FIG4: variants seen among roughly 807,000 people sequenced by gnomAD.
The protein encoded by FIG4 is FIG4 phosphoinositide 5-phosphatase.
A neutral mutation model predicts 118.6 loss-of-function variants in FIG4; 112 were observed. The ratio of observed to expected loss-of-function variants is 0.94; its 90% CI spans 0.81 to 1.11. The LOEUF is 1.11. Ranked by LOEUF, FIG4 falls within the 50% of genes least tolerant of loss-of-function variation. The probability of loss-of-function intolerance (pLI) is 0.00; values close to 1 mark genes in which losing one functional copy is unlikely to be tolerated. For missense variants in FIG4, 969 were observed against 1,111.7 expected (o/e 0.87, Z 1.83); for synonymous variants, 369 against 381.2 (o/e 0.97, Z 0.37).
chr6:109,825,048 T>G, intron 22 of FIG4, 40 bp from the exon 23 acceptor site: 1 of 1,589,140 alleles, frequency 6.3e-7, no homozygotes, highest in Non-Finnish European at 8.6e-7. Flanking sequence ...CTTCCTTATA[T>G]TTTCTTTAAT....
At chr6:109,772,151 A>G (rs1012929502) in intron 15 of FIG4, among the ~76,000 whole-genome samples, 4 of 151,832 alleles carry the variant, frequency 2.6e-5, no homozygotes, top group Non-Finnish European at 5.9e-5. Flanking sequence ...ATCTTACTCA[A>G]CCTTTCAACA....
intron 5 of FIG4, among the ~76,000 whole-genome samples, chr6:109,733,649 G>T (rs1302528626): frequency 6.6e-6 from 1 of 152,032 alleles, no homozygotes. Flanking sequence ...GAAGGAAGTT[G>T]ATTATTTTAA....
intron 15 of FIG4, among the ~76,000 whole-genome samples, chr6:109,772,778 A>G (rs891328933): frequency 1.3e-5 from 2 of 152,168 alleles, no homozygotes; most frequent in African/African-American, 4.8e-5. Context: ...TATCATTGCC[A>G]TGACAAATTA....
chr6:109,787,370 T>G (rs1445115434), intron 18 of FIG4, among the ~76,000 whole-genome samples: 1 of 152,218 alleles, frequency 6.6e-6, no homozygotes, highest in Non-Finnish European at 1.5e-5. Flanking sequence ...TAGAAATCAC[T>G]CTACATTTTG....
chr6:109,730,800 G>T (rs1441915298), intron 4 of FIG4, among the ~76,000 whole-genome samples: 2 of 151,904 alleles, frequency 1.3e-5, no homozygotes, highest in Non-Finnish European at 2.9e-5. Flanking sequence ...AGAAAATAAA[G>T]GTAAATATTT....
At chr6:109,700,866 C>A (rs1299345580) in intron 1 of FIG4, among the ~76,000 whole-genome samples, 1 of 152,094 alleles carries the variant, frequency 6.6e-6, no homozygotes, top group Non-Finnish European at 1.5e-5. Flanking sequence ...GGGTCCCATC[C>A]CCAGGATAGC....
intron 22 of FIG4, among the ~76,000 whole-genome samples, chr6:109,824,102 C>A (rs1451182783): frequency 6.6e-6 from 1 of 152,178 alleles, no homozygotes; most frequent in Non-Finnish European, 1.5e-5. Context: ...TTCAACAAGG[C>A]CTTTCTGGAG....
intron 22 of FIG4, among the ~76,000 whole-genome samples, chr6:109,820,696 GGCA>G (rs1009939022): frequency 5.3e-5 from 8 of 152,180 alleles, no homozygotes; most frequent in African/African-American, 9.6e-5. Context: ...TCTGGAAGAA[GGCA>G]GCAGCAGCAG....
At chr6:109,735,018 A>G (rs1583663302) in intron 5 of FIG4, 132 bp from the exon 6 acceptor site, 1 of 774,538 alleles carries the variant, frequency 1.3e-6, no homozygotes, top group Non-Finnish European at 2.2e-6. Context: ...GCTTATTTGA[A>G]TAGCATTGCT....
At chr6:109,815,247 A>G (rs760825705) in intron 22 of FIG4, among the ~76,000 whole-genome samples, 8 of 151,838 alleles carry the variant, frequency 5.3e-5, no homozygotes, top group Non-Finnish European at 1.0e-4. Context: ...CCCTTCCTTC[A>G]GGCTCTGACT....
At chr6:109,778,111 T>C (rs934742619) in intron 16 of FIG4, among the ~76,000 whole-genome samples, 3 of 152,126 alleles carry the variant, frequency 2.0e-5, no homozygotes, top group Admixed American at 6.5e-5. Context: ...TGTCAAGTTC[T>C]CCCATCGTGC....
In FIG4 at chr6:109,716,716, A is replaced by G. The variant is rs181402347; in HGVS notation, c.289+148A>G. 7 of 934,442 alleles carry G rather than the reference A, an allele frequency of 7.5e-6. No individual in the cohort carries two copies. The Admixed American group carries it at 1.3e-4, about 17-fold the overall frequency. 57.9% of individuals were successfully genotyped at this position (934,442 alleles called of 1,614,324 possible). A position where few individuals can be genotyped will look rare whatever the true frequency, so the allele number is the denominator to read the frequency against. Reference sequence around the variant, plus strand: ...TTATTTAAAACTTCATTATCCATCAATCAGATAGCAAACAGCGTTTCTGTA... The same window carrying G: ...TTATTTAAAACTTCATTATCCATCAGTCAGATAGCAAACAGCGTTTCTGTA... On this transcript the variant is annotated intron_variant, in intron 3 of 22. Transcript: ENST00000230124.
chr6:109,735,387 G>A (rs1328389669), intron 6 of FIG4, 89 bp downstream of exon 6: 3 of 1,271,958 alleles, frequency 2.4e-6, no homozygotes, highest in East Asian at 2.3e-5. Context: ...CCTCATATTT[G>A]TCCATCCCTC....
intron 1 of FIG4, among the ~76,000 whole-genome samples, chr6:109,698,037 C>T (rs1036897054): frequency 2.6e-5 from 4 of 151,968 alleles, no homozygotes; most frequent in Non-Finnish European, 2.9e-5. Flanking sequence ...TACAGGTGCA[C>T]ACCACCACAT....
chr6:109,814,649 T>C (rs1168331708), intron 22 of FIG4, among the ~76,000 whole-genome samples: 1 of 152,222 alleles, frequency 6.6e-6, no homozygotes, highest in East Asian at 1.9e-4. Context: ...ACTTTGTTAC[T>C]GACATTATTT....
intron 1 of FIG4, among the ~76,000 whole-genome samples, chr6:109,699,482 C>A (rs72941180): frequency 6.7e-6 from 1 of 148,542 alleles, no homozygotes; most frequent in African/African-American, 2.5e-5. Context: ...TCCTCATACG[C>A]GGTTTTTTTT....
chr6:109,807,621 A>G (rs1468706528), intron 22 of FIG4, among the ~76,000 whole-genome samples: 1 of 151,962 alleles, frequency 6.6e-6, no homozygotes, highest in African/African-American at 2.4e-5. Flanking sequence ...ATTAGACCCC[A>G]TTTGTCTATT....
chr6:109,799,948 A>G (rs530770263), intron 22 of FIG4, among the ~76,000 whole-genome samples: 1 of 152,182 alleles, frequency 6.6e-6, no homozygotes, highest in Non-Finnish European at 1.5e-5. Context: ...TCAGGGAGAA[A>G]GGGCATCAGC....
chr6:109,722,330 A>G (rs2128382820), intron 3 of FIG4, among the ~76,000 whole-genome samples: 1 of 152,258 alleles, frequency 6.6e-6, no homozygotes. Context: ...GGCATGGCCG[A>G]TAAGATTCTT....
Sources: allele counts gnomAD v4.1 joint callset (sites outside exome capture counted in the v4.1 genomes callset), GRCh38; gene constraint gnomAD v4.1.1; transcripts MANE v1.5; gene names NCBI Gene and HGNC (gene_info 2026-07-23, HGNC 2026-07-21).